RBFOX1: variants seen among roughly 807,000 people sequenced by gnomAD.
RBFOX1 encodes RNA binding protein fox-1 homolog 1.
In RBFOX1, 8 loss-of-function variants were observed where a neutral mutation model predicts 57.7. The ratio of observed to expected loss-of-function variants is 0.14; its 90% CI spans 0.08 to 0.25. The LOEUF (loss-of-function observed/expected upper bound fraction) is 0.25, where lower values mean the gene tolerates loss of function less well. Ranked by LOEUF, RBFOX1 falls within the 10% of genes least tolerant of loss-of-function variation. RBFOX1 has a pLI of 1.00. For missense variants in RBFOX1, 611 were observed against 548.5 expected, an observed-to-expected ratio of 1.11 and a Z score of -1.14; for synonymous variants, 326 against 222.4, an observed-to-expected ratio of 1.47 and a Z score of -4.15.
chr16:7,474,138 T>G (rs1349669171), intron 4 of RBFOX1, among the ~76,000 whole-genome samples: 1 of 151,958 alleles, frequency 6.6e-6, no homozygotes, highest in African/African-American at 2.4e-5. Context: ...AATACAAAAA[T>G]TAGCCAGGCA....
At chr16:5,658,834 A>G (rs943751972) in intron 3 of RBFOX1, among the ~76,000 whole-genome samples, 3 of 147,756 alleles carry the variant, frequency 2.0e-5, no homozygotes, top group Non-Finnish European at 3.0e-5. Context: ...GTATATATGT[A>G]TATATATAAT....
At chr16:5,441,007 G>C (rs992942756) in intron 1 of RBFOX1, among the ~76,000 whole-genome samples, 1 of 152,160 alleles carries the variant, frequency 6.6e-6, no homozygotes, top group Admixed American at 6.5e-5. Flanking sequence ...TTTAATGGAA[G>C]TAGCTTTTCA....
chr16:6,347,123 A>C (rs2152837737), intron 2 of RBFOX1, among the ~76,000 whole-genome samples: 1 of 152,306 alleles, frequency 6.6e-6, no homozygotes, highest in East Asian at 1.9e-4. Context: ...TCTCTTCAAG[A>C]GTAAGTGGGT....
chr16:6,344,263 A>G (rs1476932130), intron 2 of RBFOX1, among the ~76,000 whole-genome samples: 1 of 151,838 alleles, frequency 6.6e-6, no homozygotes, highest in Non-Finnish European at 1.5e-5. Flanking sequence ...GTTGGCCAGG[A>G]TGGTCTCTAA....
intron 3 of RBFOX1, among the ~76,000 whole-genome samples, chr16:5,644,908 G>A (rs1206200550): frequency 1.3e-5 from 2 of 152,066 alleles, no homozygotes; most frequent in African/African-American, 4.8e-5. Context: ...ATATACCTGA[G>A]AAGAATGAAA....
chr16:7,150,229 C>A (rs150253111), intron 4 of RBFOX1, among the ~76,000 whole-genome samples: 1 of 152,164 alleles, frequency 6.6e-6, no homozygotes, highest in South Asian at 2.1e-4. Context: ...GGCTGGCAAC[C>A]ATTTAAATGT....
intron 1 of RBFOX1, among the ~76,000 whole-genome samples, chr16:5,330,567 G>A (rs1218474993): frequency 6.6e-6 from 1 of 151,998 alleles, no homozygotes; most frequent in African/African-American, 2.4e-5. Flanking sequence ...ACCATGCCCG[G>A]CTAATTTTTG....
chr16:5,424,906 T>C (rs2067479729), intron 1 of RBFOX1, among the ~76,000 whole-genome samples: 1 of 106,926 alleles, frequency 9.4e-6, no homozygotes, highest in African/African-American at 4.0e-5. Context: ...TTTCTTTCTT[T>C]CTTTCTTTCT....
chr16:5,877,752 A>G (rs1265413485), intron 4 of RBFOX1, among the ~76,000 whole-genome samples: 3 of 152,244 alleles, frequency 2.0e-5, no homozygotes, highest in African/African-American at 7.2e-5. Flanking sequence ...TTTTAATTAC[A>G]TGCAAATTAA....
intron 3 of RBFOX1, among the ~76,000 whole-genome samples, chr16:6,692,007 A>C (rs1204808023): frequency 6.6e-6 from 1 of 152,234 alleles, no homozygotes; most frequent in Non-Finnish European, 1.5e-5. Context: ...CAGCTTTCAG[A>C]GGAAACACAG....
At chr16:5,295,729 A>G (rs2063650683) in intron 1 of RBFOX1, among the ~76,000 whole-genome samples, 1 of 152,192 alleles carries the variant, frequency 6.6e-6, no homozygotes, top group South Asian at 2.1e-4. Flanking sequence ...CGTAATCACT[A>G]CATCCCATCA....
chr16:6,027,752 G>T (rs1240926145), intron 1 of RBFOX1, among the ~76,000 whole-genome samples: 1 of 151,992 alleles, frequency 6.6e-6, no homozygotes, highest in African/African-American at 2.4e-5. Flanking sequence ...CAATCCCTTT[G>T]GGCAGCAAAT....
chr16:7,521,439 T>C (rs1198237589), intron 5 of RBFOX1, among the ~76,000 whole-genome samples: 1 of 152,214 alleles, frequency 6.6e-6, no homozygotes, highest in Non-Finnish European at 1.5e-5. Flanking sequence ...GGGTTAGTGA[T>C]GCCTAGCTTA....
Position 5,864,478 on chromosome 16 carries a change from A to G in RBFOX1, c.319-2825A>G, listed in dbSNP as rs569406983. On this transcript the variant is annotated intron_variant, in intron 3 of 19. Coordinates refer to the RBFOX1 transcript ENST00000641259. ...TTGTCGGTTTGATGTATCTCCTTTG[A>G]TACATTTTTCACATATGCATCTATT... Among the ~76,000 whole-genome samples the G allele has an allele frequency of 2.0e-5, 3 of 150,710 alleles. No individual in the cohort carries two copies. In the South Asian group the frequency reaches 6.3e-4, roughly 32 times the overall value.
intron 3 of RBFOX1, among the ~76,000 whole-genome samples, chr16:5,773,243 A>C (rs1408142032): frequency 6.6e-6 from 1 of 152,136 alleles, no homozygotes; most frequent in Non-Finnish European, 1.5e-5. Flanking sequence ...TAAATGTATA[A>C]ATTTATAAAG....
At chr16:6,183,218 C>T (rs1181692225) in intron 1 of RBFOX1, among the ~76,000 whole-genome samples, 1 of 152,010 alleles carries the variant, frequency 6.6e-6, no homozygotes, top group Non-Finnish European at 1.5e-5. Context: ...CAATGGCCTA[C>T]ACCTGTAATC....
chr16:6,677,931 C>A (rs2058022205), intron 3 of RBFOX1, among the ~76,000 whole-genome samples: 1 of 151,976 alleles, frequency 6.6e-6, no homozygotes, highest in South Asian at 2.1e-4. Context: ...CAGTAAGGAA[C>A]CATAAAGAAC....
intron 4 of RBFOX1, among the ~76,000 whole-genome samples, chr16:7,434,450 C>T (rs1598348482): frequency 6.6e-6 from 1 of 151,470 alleles, no homozygotes; most frequent in Non-Finnish European, 1.5e-5. Flanking sequence ...CCAGCCCGGG[C>T]GACAGAGCAA....
chr16:6,364,518 C>G (rs999805942), intron 2 of RBFOX1, among the ~76,000 whole-genome samples: 3 of 152,168 alleles, frequency 2.0e-5, no homozygotes, highest in East Asian at 1.9e-4. Context: ...TGAGTGGTAC[C>G]TTTCAGCTGG....
Sources: gnomAD v4.1 joint callset for allele counts (sites outside exome capture counted in the v4.1 genomes callset) on GRCh38, gnomAD v4.1.1 for gene constraint, MANE v1.5 for transcripts, NCBI Gene and HGNC (gene_info 2026-07-23, HGNC 2026-07-21) for gene names.